The following WDR49 variants were observed in gnomAD, a reference collection of about 807,000 sequenced individuals.
WDR49 encodes cilia- and flagella-associated protein 337.
A neutral mutation model predicts 119.5 loss-of-function variants in WDR49; 107 were observed. That is an observed-to-expected ratio of 0.90 (90% CI 0.77 to 1.05). WDR49 has a LOEUF of 1.05. Among genes scored for constraint, WDR49 ranks in the 50% least tolerant of loss-of-function variants. The probability of loss-of-function intolerance (pLI) is 0.00; values close to 1 mark genes in which losing one functional copy is unlikely to be tolerated. For synonymous variants in WDR49, 425 were observed against 418.8 expected, an observed-to-expected ratio of 1.01 and a Z score of -0.18; for missense variants, 1,240 against 1,220.5, an observed-to-expected ratio of 1.02 and a Z score of -0.24.
At chr3:167,559,316 C>T (rs1442613712) in intron 9 of WDR49, among the ~76,000 whole-genome samples, 1 of 152,154 alleles carries the variant, frequency 6.6e-6, no homozygotes, top group Non-Finnish European at 1.5e-5. Flanking sequence ...CAGGGAATTA[C>T]CTTCTATTGC....
chr3:167,514,303 A>G (rs1303254850), intron 16 of WDR49, among the ~76,000 whole-genome samples: 15 of 152,206 alleles, frequency 9.9e-5, no homozygotes, highest in Non-Finnish European at 4.4e-5. Context: ...TAAGAAACTC[A>G]CTAAACACCA....
At chr3:167,653,574 G>A (rs933873780) in intron 1 of WDR49, 75 bp from the exon 2 acceptor site, 2 of 894,582 alleles carry the variant, frequency 2.2e-6, no homozygotes, top group African/African-American at 1.7e-5. Context: ...ACGATCAGGA[G>A]GCAAAATGTT....
intron 10 of WDR49, among the ~76,000 whole-genome samples, chr3:167,554,134 A>T (rs1712763326): frequency 6.6e-6 from 1 of 152,144 alleles, no homozygotes; most frequent in African/African-American, 2.4e-5. Flanking sequence ...CAGGAAAAAA[A>T]AAGGAAGGAA....
intron 16 of WDR49, among the ~76,000 whole-genome samples, chr3:167,514,108 C>T (rs1435235522): frequency 1.3e-5 from 2 of 152,112 alleles, no homozygotes; most frequent in East Asian, 3.9e-4. Context: ...ATCAAGTGGA[C>T]CTGATAGAGA....
At chr3:167,496,063 C>T (rs1415888381) in intron 18 of WDR49, among the ~76,000 whole-genome samples, 1 of 151,854 alleles carries the variant, frequency 6.6e-6, no homozygotes, top group Non-Finnish European at 1.5e-5. Flanking sequence ...ATTCTTCAGA[C>T]TGAAGGAAAA....
intron 2 of WDR49, among the ~76,000 whole-genome samples, chr3:167,635,302 A>T (rs1717558644): frequency 6.6e-6 from 1 of 151,744 alleles, no homozygotes; most frequent in African/African-American, 2.4e-5. Flanking sequence ...CCATCAATAA[A>T]GTAGGAGGTT....
chr3:167,543,508 TACATC>T (rs1270465176), intron 10 of WDR49, among the ~76,000 whole-genome samples: 1 of 152,084 alleles, frequency 6.6e-6, no homozygotes, highest in Non-Finnish European at 1.5e-5. Flanking sequence ...ATAAATGTAA[TACATC>T]ACATAAACAG....
Position 167,527,886 on chromosome 3 carries a change from G to A in WDR49, c.2538C>T (p.Ser846=). The A allele has an allele frequency of 6.2e-7, 1 of 1,613,228 alleles. No homozygotes were observed. Among genetic ancestry groups the A allele is most frequent in the South Asian group, 1.1e-5 (1 of 91,054 alleles). The stretch of plus-strand genomic sequence containing the variant: ...CACAAATACTGCAGTCTGCAGAGGA[G>A]GAGATAATCAGTAACTGACCACCTG... ...CEPGGQLLII[S]SSADCSICVT... The change falls in exon 15 of 19, where the codon TCC becomes TCT. Residue 846 remains serine, a synonymous_variant. Transcript: ENST00000682715.
intron 15 of WDR49, among the ~76,000 whole-genome samples, chr3:167,527,416 T>C (rs1037141822): frequency 6.6e-6 from 1 of 152,192 alleles, no homozygotes; most frequent in Non-Finnish European, 1.5e-5. Flanking sequence ...ATGATTGGTT[T>C]TTTTTTCTAA....
In WDR49 at chr3:167,531,166, C is replaced by T. The variant is rs1416301909; in HGVS notation, c.2167G>A (p.Ala723Thr). The T allele has an allele frequency of 1.9e-6, 3 of 1,612,230 alleles. No homozygotes were observed. Among genetic ancestry groups the T allele is most frequent in the East Asian group, 2.2e-5 (1 of 44,868 alleles). Residue 723 changes from alanine to threonine, a missense_variant, in exon 13 of 19, where the codon GCT (alanine) becomes ACT (threonine). By Grantham distance (58) the Ala-to-Thr change is moderately conservative. Coordinates refer to ENST00000682715, the MANE Select transcript of WDR49 (RefSeq NM_001366157.1). Reference protein sequence around the residue: ...NFEIDTEGKNAVMRLCFLKAR... With the variant: ...NFEIDTEGKNTVMRLCFLKAR... ...TTAAGAAAGCAAAGTCTCATAACAGCATTTTTGCCCTCAGTGTCAATCTCA... is the reference window on the plus strand; with the variant it reads ...TTAAGAAAGCAAAGTCTCATAACAGTATTTTTGCCCTCAGTGTCAATCTCA...
chr3:167,641,892 A>C (rs903195601), intron 2 of WDR49, among the ~76,000 whole-genome samples: 13 of 152,072 alleles, frequency 8.5e-5, no homozygotes, highest in African/African-American at 2.9e-4. Context: ...AAAATGCCAC[A>C]GAGAATAAAC....
chr3:167,513,555 G>A (rs965402065), intron 16 of WDR49, among the ~76,000 whole-genome samples: 1 of 152,100 alleles, frequency 6.6e-6, no homozygotes, highest in African/African-American at 2.4e-5. Context: ...ACATTAACAA[G>A]TCTGCAAAAT....
chr3:167,537,005 CAA>C lies in WDR49; in HGVS notation c.1824-7_1824-6del. ...GGTCGAAACACAGTAATAGCCCTAG[CAA>C]AAAGGATATAGAATTTAGCTGTGGA... On this transcript the variant is annotated splice_region_variant and splice_polypyrimidine_tract_variant and intron_variant, in intron 10 of 18. Transcript: ENST00000682715. The C allele has an allele frequency of 6.4e-7, 1 of 1,565,170 alleles. No homozygotes were observed. The highest frequency in any genetic ancestry group is 8.6e-7 in the Non-Finnish European group (1 of 1,159,014).
intron 10 of WDR49, 78 bp from the exon 11 acceptor site, chr3:167,537,078 A>T (rs1711514759): frequency 3.7e-6 from 5 of 1,351,744 alleles, no homozygotes; most frequent in Non-Finnish European, 4.8e-6. Context: ...CACTTGAATG[A>T]TGTGATCCAA....
In WDR49 at chr3:167,511,554, C is replaced by G. The variant is rs1337585600; in HGVS notation, c.2775-6138G>C. ...ATATATTGGTGAGTGACTGAGCTAC[C>G]TCCCAGGGAAACCATGTTTTTTTCC... On this transcript the variant is annotated intron_variant, in intron 16 of 18. Coordinates refer to ENST00000682715, the MANE Select transcript of WDR49 (RefSeq NM_001366157.1). Among the ~76,000 whole-genome samples the G allele has an allele frequency of 2.6e-5, 4 of 152,312 alleles. No individual in the cohort carries two copies. The East Asian group carries it at 7.7e-4, about 29-fold the overall frequency.
In WDR49 at chr3:167,522,502, A is replaced by G. The variant is rs1560266766; in HGVS notation, c.2605-18T>C. On this transcript the variant is annotated intron_variant, in intron 15 of 18. Transcript: ENST00000682715. ...TGCTTTGCCTGAAAAAAACGAAAAC[A>G]TCTGTTTTATTTTTATGAAATTTAT... 1.9e-6 allele frequency: 3 copies of G among 1,583,446 alleles called. No individual in the cohort carries two copies. The highest frequency in any genetic ancestry group is 2.6e-6 in the Non-Finnish European group (3 of 1,172,852).
rs186335718 is a variant in WDR49, at chr3:167,614,869, C to T, written c.958+5560G>A. Among the ~76,000 whole-genome samples the T allele has an allele frequency of 2.3e-3, 347 of 152,308 alleles. 1 individual carries two copies. Among genetic ancestry groups the T allele is most frequent in the African/African-American group, 7.8e-3 (323 of 41,564 alleles). On this transcript the variant is annotated intron_variant, in intron 5 of 18. Coordinates refer to ENST00000682715, the MANE Select transcript of WDR49 (RefSeq NM_001366157.1). Reference sequence around the variant, plus strand: ...GAAGAGTTCTAAGAATATTGAATCACGTTACTGGGGTAAAGAGAATACCAA... The same window carrying T: ...GAAGAGTTCTAAGAATATTGAATCATGTTACTGGGGTAAAGAGAATACCAA...
intron 14 of WDR49, among the ~76,000 whole-genome samples, chr3:167,528,473 G>A (rs1752717777): frequency 6.6e-6 from 1 of 151,472 alleles, no homozygotes; most frequent in African/African-American, 2.4e-5. Flanking sequence ...TTGCAGATAA[G>A]GTGTAGCCTC....
At chr3:167,578,465 G>C (rs1714365925) in intron 7 of WDR49, among the ~76,000 whole-genome samples, 1 of 151,952 alleles carries the variant, frequency 6.6e-6, no homozygotes, top group Non-Finnish European at 1.5e-5. Flanking sequence ...TATGTGTGTG[G>C]TGTATATATT....
Sources: gnomAD v4.1 joint callset for allele counts (sites outside exome capture counted in the v4.1 genomes callset) on GRCh38, gnomAD v4.1.1 for gene constraint, MANE v1.5 for transcripts, NCBI Gene and HGNC (gene_info 2026-07-23, HGNC 2026-07-21) for gene names.